Variants in FNBP4 observed in about 807,000 individuals in gnomAD.
FNBP4 encodes formin binding protein 4, also known as formin-binding protein 4.
In FNBP4, 34 loss-of-function variants were observed where a neutral mutation model predicts 119.3. The ratio of observed to expected loss-of-function variants is 0.28; its 90% CI spans 0.22 to 0.38. The LOEUF is 0.38. FNBP4 is among the 10% of genes least tolerant of loss of function. The pLI, the probability that FNBP4 is intolerant of heterozygous loss-of-function variation, is 1.00. For synonymous variants in FNBP4, 462 were observed against 430.6 expected (o/e 1.07, Z -0.90); for missense variants, 1,112 against 1,228.9 (o/e 0.90, Z 1.42).
At chr11:47,756,488 T>G (rs529972519) in intron 2 of FNBP4, among the ~76,000 whole-genome samples, 3 of 152,296 alleles carry the variant, frequency 2.0e-5, no homozygotes, top group South Asian at 2.1e-4. Flanking sequence ...TCATATTCAG[T>G]GCCTTAGTAT....
chr11:47,728,856 T>TTC (rs1162814027), intron 12 of FNBP4, among the ~76,000 whole-genome samples: 1 of 149,052 alleles, frequency 6.7e-6, no homozygotes, highest in Non-Finnish European at 1.5e-5. Flanking sequence ...GTCTTTTTTT[T>TTC]TTTTTTTTTT....
At chr11:47,726,793 T>A (rs2097561565) in intron 12 of FNBP4, 1 of 152,242 alleles carries the variant, frequency 6.6e-6, no homozygotes, top group Non-Finnish European at 1.5e-5. Flanking sequence ...CGTTGAGGAC[T>A]AACTTAATTA....
At chr11:47,756,767 TCCTA>T (rs1392383914) in intron 2 of FNBP4, among the ~76,000 whole-genome samples, 2 of 151,782 alleles carry the variant, frequency 1.3e-5, no homozygotes, top group African/African-American at 2.4e-5. Context: ...ATTGTTCAAT[TCCTA>T]CCTATGAGTG....
intron 6 of FNBP4, among the ~76,000 whole-genome samples, chr11:47,747,390 T>G (rs373493331): frequency 1.3e-5 from 2 of 152,084 alleles, no homozygotes; most frequent in South Asian, 2.1e-4. Flanking sequence ...GTACTTTTAG[T>G]AGACACAGGG....
Position 47,732,170 on chromosome 11 carries a change from T to C in FNBP4, c.1820+367A>G, listed in dbSNP as rs1050507187. On this transcript the variant is annotated intron_variant, in intron 11 of 16. Coordinates refer to ENST00000263773, the MANE Select transcript of FNBP4 (RefSeq NM_015308.5). This position sits in a 1 kb window ranked among gnomAD's most constrained non-coding sequence, Gnocchi z 4.2. ...TTCATTCACATCTTCAGCCACGAAG[T>C]TTTCCTTAACTTCACCGAGGTTAAT... is the stretch of plus-strand genomic sequence containing the variant. 1 of 1,023,110 alleles carries C rather than the reference T, an allele frequency of 9.8e-7. No homozygotes were observed. Among genetic ancestry groups the C allele is most frequent in the African/African-American group, 1.7e-5 (1 of 58,844 alleles). 63.4% of individuals were successfully genotyped at this position (1,023,110 alleles called of 1,614,324 possible).
Position 47,734,136 on chromosome 11 carries a change from T to C in FNBP4, c.1582-7A>G. ...CCAGTTCTCCAATCTGAAACTACAA[T>C]GCAAAAAAGAAAAAAAGTAAAACTA... On this transcript the variant is annotated splice_polypyrimidine_tract_variant and splice_region_variant and intron_variant, in intron 9 of 16. Transcript: ENST00000263773. 6.6e-7 allele frequency: 1 copy of C among 1,521,830 alleles called. No homozygotes were observed. Among genetic ancestry groups the C allele is most frequent in the Non-Finnish European group, 8.9e-7 (1 of 1,125,328 alleles). The allele number at this position is 1,521,830 out of a possible 1,614,324, so 94.3% of individuals were successfully genotyped here.
intron 2 of FNBP4, among the ~76,000 whole-genome samples, chr11:47,758,163 C>T (rs1314279918): frequency 6.6e-6 from 1 of 152,176 alleles, no homozygotes; most frequent in African/African-American, 2.4e-5. Flanking sequence ...TCACTGCAGC[C>T]TTGACCTCCT....
Position 47,767,323 on chromosome 11 carries a change from G to A in FNBP4, c.-35C>T, listed in dbSNP as rs1214107491. On this transcript the variant is annotated 5_prime_UTR_variant, in exon 1 of 17. Transcript: ENST00000263773. ...AAGCGCGAGCAGAGAGCGTCGGGCG[G>A]CCGAGAGGGGCGGGCACTGGAGGCT... 9.0e-6 allele frequency: 13 copies of A among 1,442,992 alleles called. No homozygotes were observed. In the South Asian group the frequency reaches 1.4e-4, roughly 16 times the overall value. The allele number at this position is 1,442,992 out of a possible 1,614,324, so 89.4% of individuals were successfully genotyped here. A position where few individuals can be genotyped will look rare whatever the true frequency, so the allele number is the denominator to read the frequency against.
rs369103800 is a variant in FNBP4 at position 47,739,799 on chromosome 11, TG to T, written c.1457-3060del. ...AATCTGTCTCCTTTTTCTTTTGAGA[TG>T]GGAGTTTTGCTCTTGTTGCCCAGCC... On this transcript the variant is annotated intron_variant, in intron 8 of 16. Coordinates refer to ENST00000263773, the MANE Select transcript of FNBP4 (RefSeq NM_015308.5). Among the ~76,000 whole-genome samples the T allele has an allele frequency of 1.8e-4, 28 of 152,244 alleles. No individual in the cohort carries two copies. The East Asian group carries it at 3.5e-3, about 19-fold the overall frequency.
chr11:47,726,525 TAAC>T (rs1345911252), intron 12 of FNBP4: 1 of 152,038 alleles, frequency 6.6e-6, no homozygotes, highest in Admixed American at 6.6e-5. Context: ...TAAAAGACTT[TAAC>T]AACATCATTC....
Position 47,723,033 on chromosome 11 carries a change from TGGTGGAGGAGGA to T in FNBP4, c.2736_2747del (p.Pro915_Pro918del), listed in dbSNP as rs1031397863. On this transcript the variant is annotated inframe_deletion, in exon 15 of 17. Coordinates refer to ENST00000263773, the MANE Select transcript of FNBP4 (RefSeq NM_015308.5). ...GTGGTGGCATTTTGGGAGCTGGTGG[TGGTGGAGGAGGA>T]GGAGGAGGAGGTGGTGGTGGTGGTT... 2.5e-6 allele frequency: 4 copies of T among 1,574,492 alleles called. No individual in the cohort carries two copies. In the African/African-American group the frequency reaches 5.4e-5, roughly 21 times the overall value.
chr11:47,719,530 TAATTCTATA>T (rs2097553077), intron 16 of FNBP4, among the ~76,000 whole-genome samples: 1 of 152,068 alleles, frequency 6.6e-6, no homozygotes, highest in Non-Finnish European at 1.5e-5. Flanking sequence ...TAAAAGGGTC[TAATTCTATA>T]AATTATTTGT....
chr11:47,720,946 A>G (rs1027119800), intron 15 of FNBP4, among the ~76,000 whole-genome samples: 2 of 152,024 alleles, frequency 1.3e-5, no homozygotes, highest in East Asian at 3.9e-4. Context: ...AGATTGCACC[A>G]TTGCACTGCA....
Position 47,740,407 on chromosome 11 carries a change from G to A in FNBP4, c.1456+3546C>T, listed in dbSNP as rs1183581044. On this transcript the variant is annotated intron_variant, in intron 8 of 16. Transcript: ENST00000263773. ...AGCCTGGGTGACAGAGTGAGACCCC[G>A]TCTCAAAAAAAAAGTAAATATAACA... is the stretch of plus-strand genomic sequence containing the variant. Among the ~76,000 whole-genome samples the A allele has an allele frequency of 4.7e-5, 7 of 149,876 alleles. 2 individuals carry two copies. The highest frequency in any genetic ancestry group is 1.7e-4 in the African/African-American group (7 of 40,192).
Position 47,736,721 on chromosome 11 carries a change from T to A in FNBP4, c.1476A>T (p.Ser492=). The A allele has an allele frequency of 1.2e-6, 2 of 1,602,028 alleles. No individual in the cohort carries two copies. Among genetic ancestry groups the A allele is most frequent in the Non-Finnish European group, 1.7e-6 (2 of 1,171,866 alleles). The change falls in exon 9 of 17, where the codon TCA becomes TCT. Residue 492 remains serine, a synonymous_variant. Coordinates refer to ENST00000263773, the MANE Select transcript of FNBP4 (RefSeq NM_015308.5). ...NGETAIGAEN[S]EKIDENSDKE... ...TATCTGAATTCTCATCTATTTTTTCTGAATTTTCAGCACCAATTGCTGTAA... is the reference window on the plus strand; with the variant it reads ...TATCTGAATTCTCATCTATTTTTTCAGAATTTTCAGCACCAATTGCTGTAA...
intron 1 of FNBP4, 39 bp from the exon 2 acceptor site, chr11:47,765,401 A>AAAGAG: frequency 7.3e-7 from 1 of 1,368,394 alleles, no homozygotes; most frequent in Non-Finnish European, 1.0e-6. Context: ...AAAGAAAAGA[A>AAAGAG]AAGAAAAGAA....
intron 15 of FNBP4, among the ~76,000 whole-genome samples, chr11:47,720,500 G>A (rs536645314): frequency 6.6e-6 from 1 of 150,412 alleles, no homozygotes; most frequent in African/African-American, 2.5e-5. Flanking sequence ...CCTGGGAGGC[G>A]GATCTTGCAG....
intron 2 of FNBP4, among the ~76,000 whole-genome samples, chr11:47,761,307 C>T (rs1326538910): frequency 6.6e-6 from 1 of 152,076 alleles, no homozygotes; most frequent in Non-Finnish European, 1.5e-5. Context: ...TTAGAAAAAT[C>T]TCAGAGGCTG....
At chr11:47,766,107 C>A (rs956743657) in intron 1 of FNBP4, among the ~76,000 whole-genome samples, 4 of 152,004 alleles carry the variant, frequency 2.6e-5, no homozygotes, top group African/African-American at 9.7e-5. Context: ...CGCTTGAGCC[C>A]TGGAGTTCGA....
Sources: allele counts gnomAD v4.1 joint callset (sites outside exome capture counted in the v4.1 genomes callset), GRCh38; gene constraint gnomAD v4.1.1; non-coding constraint Gnocchi (gnomAD v3.1); transcripts MANE v1.5; gene names NCBI Gene and HGNC (gene_info 2026-07-23, HGNC 2026-07-21).